ADH4: variants seen among roughly 807,000 people sequenced by gnomAD.
ADH4 encodes the protein all-trans-retinol dehydrogenase [NAD(+)] ADH4.
A neutral mutation model predicts 35.2 loss-of-function variants in ADH4; 31 were observed. The ratio of observed to expected loss-of-function variants is 0.88; its 90% CI spans 0.66 to 1.19. The LOEUF (loss-of-function observed/expected upper bound fraction) is 1.19, where lower values mean the gene tolerates loss of function less well. ADH4 is among the 50% of genes most tolerant of loss of function. The pLI, the probability that ADH4 is intolerant of heterozygous loss-of-function variation, is 0.00. For synonymous variants in ADH4, 171 were observed against 160.2 expected (o/e 1.07, Z -0.51); for missense variants, 476 against 458.3 (o/e 1.04, Z -0.35).
Position 99,139,117 on chromosome 4 carries a change from T to C in ADH4, c.294A>G (p.Leu98=), listed in dbSNP as rs988695703. ...GDKVIPLYAP[L]CRKCKFCLSP... ...TCAGACAAAACTTGCATTTTCTACA[T>C]AGAGGTGCATAAAGTGGAATTACTT... Residue 98 remains leucine, a synonymous_variant, in exon 4 of 9, where the codon CTA becomes CTG. Transcript: ENST00000265512. 1.9e-6 allele frequency: 3 copies of C among 1,613,270 alleles called. No individual in the cohort carries two copies. The highest frequency in any genetic ancestry group is 1.7e-5 in the Admixed American group (1 of 59,914).
intron 1 of ADH4, chr4:99,143,097 G>T: frequency 1.4e-6 from 1 of 697,890 alleles, no homozygotes; most frequent in Non-Finnish European, 2.6e-6. Context: ...TAGATTTATG[G>T]AGTTTGAATA....
In ADH4 at chr4:99,136,647, C is replaced by T; in HGVS notation, c.401G>A (p.Ser134Asn). Residue 134 changes from serine (S) to asparagine (N), a missense_variant, in exon 5 of 9, where the codon AGC (serine) becomes AAC (asparagine). Transcript: ENST00000265512. ...SDQQLMEDKT[S>N]RFTCKGKPVY... ...TGGTTTTCCTTTGCAGGTAAACCTG[C>T]TGGTTTTGTCTTCCATTAGTTGTTG... 2 of 1,613,902 alleles carry T rather than the reference C, an allele frequency of 1.2e-6. No homozygotes were observed. The highest frequency in any genetic ancestry group is 1.7e-6 in the Non-Finnish European group (2 of 1,179,966).
chr4:99,127,363 G>T lies in ADH4; in HGVS notation c.844-19C>A, dbSNP rs375536460. Reference sequence around the variant, plus strand: ...CTGCTTTCTGTGATGGAGCATAAAAGAATACTTGAGTCAGTGGAAAAGTAG... The same window carrying T: ...CTGCTTTCTGTGATGGAGCATAAAATAATACTTGAGTCAGTGGAAAAGTAG... On this transcript the variant is annotated intron_variant, in intron 6 of 8. Coordinates refer to ENST00000265512, the MANE Select transcript of ADH4 (RefSeq NM_000670.5). 153 of 1,565,012 alleles carry T rather than the reference G, an allele frequency of 9.8e-5. No individual in the cohort carries two copies. Among genetic ancestry groups the T allele is most frequent in the Non-Finnish European group, 1.3e-4 (146 of 1,156,362 alleles).
At chr4:99,126,859 C>T in intron 7 of ADH4, 127 bp from the exon 8 acceptor site, 2 of 813,088 alleles carry the variant, frequency 2.5e-6, no homozygotes, top group South Asian at 4.0e-5. Context: ...AAACTCCTTC[C>T]ATCTTTAATT....
At chr4:99,136,396 T>C (rs569789464) in intron 5 of ADH4, 70 bp downstream of exon 5, 1 of 1,293,558 alleles carries the variant, frequency 7.7e-7, no homozygotes, top group South Asian at 1.2e-5. Flanking sequence ...GATAACTAAC[T>C]CTAGTTCATC....
At chr4:99,126,469 C>G in intron 8 of ADH4, 125 bp downstream of exon 8, 1 of 887,480 alleles carries the variant, frequency 1.1e-6, no homozygotes, top group Non-Finnish European at 1.7e-6. Flanking sequence ...ATCTTTTAAG[C>G]ACATCTAGTA....
chr4:99,127,257 G>GA lies in ADH4; in HGVS notation c.930dup (p.Pro311SerfsTer30). On this transcript the variant is annotated frameshift_variant, in exon 7 of 9. Coordinates refer to ENST00000265512, the MANE Select transcript of ADH4 (RefSeq NM_000670.5). LOFTEE classifies it high-confidence loss of function. ...GTACGGCCGATTATTAGCTCCTCTG[G>GA]AAAAATAGTCAATCCTTTGCTACCA... is the stretch of plus-strand genomic sequence containing the variant. 6.2e-7 allele frequency: 1 copy of GA among 1,611,490 alleles called. No homozygotes were observed. Among genetic ancestry groups the GA allele is most frequent in the Non-Finnish European group, 8.5e-7 (1 of 1,178,542 alleles).
Position 99,141,642 on chromosome 4 carries a change from A to G in ADH4, c.161T>C (p.Ile54Thr). 8.1e-6 allele frequency: 13 copies of G among 1,614,128 alleles called. No homozygotes were observed. Among genetic ancestry groups the G allele is most frequent in the Non-Finnish European group, 1.0e-5 (12 of 1,179,996 alleles). Residue 54 changes from isoleucine to threonine, a missense_variant, in exon 3 of 9, where the codon ATC (isoleucine) becomes ACC (threonine). Coordinates refer to ENST00000265512, the MANE Select transcript of ADH4 (RefSeq NM_000670.5). Reference protein sequence around the residue: ...TSLCHTDATVIDSKFEGLAFP... With the variant: ...TSLCHTDATVTDSKFEGLAFP... ...AGCTAGGCCCTCAAATTTAGAATCGATAACAGTGGCATCAGTATGGCACAG... is the reference window on the plus strand; with the variant it reads ...AGCTAGGCCCTCAAATTTAGAATCGGTAACAGTGGCATCAGTATGGCACAG...
intron 6 of ADH4, among the ~76,000 whole-genome samples, chr4:99,129,112 A>G (rs576183977): frequency 8.7e-4 from 132 of 152,240 alleles, no homozygotes; most frequent in African/African-American, 3.1e-3. Flanking sequence ...TATTCTTATT[A>G]AAGAATAATT....
chr4:99,138,912 T>C (rs1729526412), intron 4 of ADH4, 149 bp downstream of exon 4: 2 of 555,992 alleles, frequency 3.6e-6, no homozygotes, highest in Non-Finnish European at 6.3e-6. Context: ...TTTCTTTGTG[T>C]GCACTTGCAA....
intron 8 of ADH4, 129 bp downstream of exon 8, chr4:99,126,465 T>A: frequency 1.2e-6 from 1 of 857,500 alleles, no homozygotes; most frequent in Non-Finnish European, 1.8e-6. Context: ...TTTAATCTTT[T>A]AAGCACATCT....
At chr4:99,125,645 AT>A (rs1203586459) in intron 8 of ADH4, among the ~76,000 whole-genome samples, 2 of 151,922 alleles carry the variant, frequency 1.3e-5, no homozygotes, top group Non-Finnish European at 2.9e-5. Flanking sequence ...TAATGCTTGT[AT>A]TTTCTTTTTA....
rs56251804 is a variant in ADH4, at chr4:99,124,464, A to C, written c.1121T>G (p.Val374Gly). Residue 374 changes from valine (V) to glycine (G), a missense_variant and splice_region_variant, in exon 9 of 9, where the codon GTC becomes GGC. By Grantham distance (109) the Val-to-Gly change is moderately radical (BLOSUM62 -3). Coordinates refer to ENST00000265512, the MANE Select transcript of ADH4 (RefSeq NM_000670.5). ...AFDLMNQGKS[V>G]RTILIF ...TCTTCAAAAGATGAGGATTGTTCGG[A>C]CGCTGTTAATAACAATAAAACATTA... 1.5e-4 allele frequency: 222 copies of C among 1,482,580 alleles called. No homozygotes were observed. In the East Asian group the frequency reaches 4.9e-3, roughly 33 times the overall value. 91.8% of individuals were successfully genotyped at this position (1,482,580 alleles called of 1,614,324 possible).
chr4:99,131,307 G>T (rs1476677181), intron 6 of ADH4, among the ~76,000 whole-genome samples, 197 bp downstream of exon 6: 1 of 152,110 alleles, frequency 6.6e-6, no homozygotes, highest in Non-Finnish European at 1.5e-5. Context: ...ACTGGCATTT[G>T]GGGGGACACA....
chr4:99,142,895 A>C (rs537419761), intron 1 of ADH4, 115 bp from the exon 2 acceptor site: 47 of 653,072 alleles, frequency 7.2e-5, no homozygotes, highest in Non-Finnish European at 1.0e-4. Context: ...CTGTAATTTC[A>C]TGACAAAGAG....
intron 6 of ADH4, among the ~76,000 whole-genome samples, chr4:99,128,890 C>A (rs1338535822): frequency 1.3e-5 from 2 of 151,952 alleles, no homozygotes; most frequent in African/African-American, 4.8e-5. Flanking sequence ...GCCTCAACTT[C>A]CTGGGCTTAA....
At chr4:99,131,446 A>G in intron 6 of ADH4, 58 bp downstream of exon 6, 2 of 1,559,088 alleles carry the variant, frequency 1.3e-6, no homozygotes, top group Non-Finnish European at 8.7e-7. Context: ...ACTTTCCCCT[A>G]TTATTTGACA....
chr4:99,135,746 A>G (rs1227857588), intron 5 of ADH4, among the ~76,000 whole-genome samples: 1 of 152,186 alleles, frequency 6.6e-6, no homozygotes, highest in African/African-American at 2.4e-5. Context: ...TAAAATCTTC[A>G]GACTTGTTGT....
intron 5 of ADH4, among the ~76,000 whole-genome samples, chr4:99,134,348 A>G (rs1425611850): frequency 6.6e-6 from 1 of 151,984 alleles, no homozygotes; most frequent in Admixed American, 6.6e-5. Flanking sequence ...AGTGATGGAT[A>G]CATTATTAGC....
Sources: gnomAD v4.1 joint callset for allele counts (sites outside exome capture counted in the v4.1 genomes callset) on GRCh38, gnomAD v4.1.1 for gene constraint, MANE v1.5 for transcripts, NCBI Gene and HGNC (gene_info 2026-07-23, HGNC 2026-07-21) for gene names.